LYZL2: variants seen among roughly 807,000 people sequenced by gnomAD.
The protein encoded by LYZL2 is lysozyme-like protein 2.
A neutral mutation model predicts 17.1 loss-of-function variants in LYZL2; 13 were observed. That is an observed-to-expected ratio of 0.76 (90% CI 0.49 to 1.21). The LOEUF (loss-of-function observed/expected upper bound fraction) is 1.21, where lower values mean the gene tolerates loss of function less well. Among genes scored for constraint, LYZL2 ranks in the 50% most tolerant of loss-of-function variants. The pLI, the probability that LYZL2 is intolerant of heterozygous loss-of-function variation, is 0.00. For missense variants in LYZL2, 166 were observed against 189.2 expected (o/e 0.88, Z 0.72); for synonymous variants, 63 against 74.4 (o/e 0.85, Z 0.79).
At chr10:30,616,626 T>TA (rs1838531971) in intron 3 of LYZL2, among the ~76,000 whole-genome samples, 1 of 152,264 alleles carries the variant, frequency 6.6e-6, no homozygotes, top group African/African-American at 2.4e-5. Flanking sequence ...ATTGAAATCT[T>TA]ACTCTATGTC....
downstream of LYZL2, among the ~76,000 whole-genome samples, chr10:30,611,549 AGG>A (rs1170080494): frequency 3.9e-4 from 35 of 90,702 alleles, no homozygotes; most frequent in Middle Eastern, 4.3e-3. Context: ...GAAGGAAGGA[AGG>A]AAGGAAGGAA....
In LYZL2 at chr10:30,626,768, T is replaced by G. The variant is rs71492585; in HGVS notation, c.139+9A>C. 2.4e-4 allele frequency: 380 copies of G among 1,613,648 alleles called. 1 individual carries two copies. The East Asian group carries it at 5.4e-3, about 23-fold the overall frequency. On this transcript the variant is annotated intron_variant, in intron 2 of 4. Transcript: ENST00000647634. ...GGACAGAAAGAGAGCAGGAAAGAAA[T>G]AATCTCACAGTTTCCAAGGCTGAAG...
intron 4 of LYZL2, 123 bp downstream of exon 4, chr10:30,612,699 G>A (rs2659493): frequency 0.46 from 315,379 of 685,920 alleles, 74,793 homozygotes; most frequent in African/African-American, 0.67. Context: ...TATAGACAAG[G>A]TCTCCTTCCA....
chr10:30,618,000 C>CA (rs1408911693), intron 3 of LYZL2, among the ~76,000 whole-genome samples: 1 of 151,732 alleles, frequency 6.6e-6, no homozygotes, highest in Non-Finnish European at 1.5e-5. Flanking sequence ...AATCAATGTG[C>CA]AAAAATCACA....
At position 30,612,114 on chromosome 10, in the gene LYZL2, C is replaced by T. The variant is rs1383121995; in HGVS notation, c.378-90G>A. The T allele has an allele frequency of 2.0e-6, 3 of 1,482,364 alleles. No individual in the cohort carries two copies. The African/African-American group carries it at 4.2e-5, about 21-fold the overall frequency. 91.8% of individuals were successfully genotyped at this position (1,482,364 alleles called of 1,614,324 possible). On this transcript the variant is annotated intron_variant, in intron 4 of 4. Coordinates refer to ENST00000647634, the MANE Select transcript of LYZL2 (RefSeq NM_183058.3). ...AAAGTCTACAGAAATTAACCAAAAT[C>T]GCCAGCGGAACCCTGGGTTGGGTTT...
intron 3 of LYZL2, among the ~76,000 whole-genome samples, chr10:30,622,489 C>T (rs566802771): frequency 5.3e-5 from 8 of 149,676 alleles, no homozygotes; most frequent in African/African-American, 2.0e-4. Flanking sequence ...GCAGAGGGTG[C>T]AATGAGCCAA....
At chr10:30,610,939 G>A (rs917233522), downstream of LYZL2, among the ~76,000 whole-genome samples, 11 of 152,052 alleles carry the variant, frequency 7.2e-5, no homozygotes, top group Admixed American at 2.0e-4. Context: ...GTACACAAAT[G>A]GTGTCTAGGC....
chr10:30,617,637 T>C (rs1838551377), intron 3 of LYZL2, among the ~76,000 whole-genome samples: 1 of 115,694 alleles, frequency 8.6e-6, no homozygotes, highest in Non-Finnish European at 1.6e-5. Flanking sequence ...ATCGTGCCAC[T>C]GCACTTCAGC....
chr10:30,625,446 TCAGA>T (rs1459885067), intron 3 of LYZL2, among the ~76,000 whole-genome samples: 1 of 151,946 alleles, frequency 6.6e-6, no homozygotes, highest in Non-Finnish European at 1.5e-5. Flanking sequence ...AAGAGTGAAG[TCAGA>T]CAGTCACCTT....
chr10:30,606,808 T>A (rs538806378), downstream of LYZL2, among the ~76,000 whole-genome samples: 2 of 152,150 alleles, frequency 1.3e-5, no homozygotes, highest in Admixed American at 1.3e-4. Context: ...AGTAAGGGCA[T>A]GTTTTGGGTT....
At chr10:30,618,673 A>G (rs1317596736) in intron 3 of LYZL2, among the ~76,000 whole-genome samples, 4 of 152,230 alleles carry the variant, frequency 2.6e-5, no homozygotes, top group Admixed American at 6.5e-5. Flanking sequence ...ACAAAAATTA[A>G]TTCAAGATGG....
rs545622833 is a variant in LYZL2 at position 30,620,118 on chromosome 10, T to C, written c.298+5987A>G. Among the ~76,000 whole-genome samples the C allele has an allele frequency of 2.0e-4, 31 of 152,364 alleles. No individual in the cohort carries two copies. The South Asian group carries it at 6.2e-3, about 31-fold the overall frequency. On this transcript the variant is annotated intron_variant, in intron 3 of 4. Transcript: ENST00000647634. The stretch of plus-strand genomic sequence containing the variant: ...GAATTTCCTCAAGGGCAGAGGTTGG[T>C]AAACTGCAGCGTGAGGCCACTGCTG...
downstream of LYZL2, among the ~76,000 whole-genome samples, chr10:30,609,375 C>T (rs1004599797): frequency 1.3e-5 from 2 of 152,110 alleles, no homozygotes; most frequent in Non-Finnish European, 2.9e-5. Context: ...CTTGAACAGG[C>T]TTTAGGGGAG....
chr10:30,612,302 A>G lies in LYZL2; in HGVS notation c.378-278T>C, dbSNP rs530024996. 2.0e-5 allele frequency among the ~76,000 whole-genome samples: 3 copies of G among 152,272 alleles called. No homozygotes were observed. The East Asian group carries it at 5.8e-4, about 29-fold the overall frequency. ...CATCTGTGAAAATTCGGGTTCCCTG[A>G]GTGGGGCCGGCTGGCAATGTTCACC... On this transcript the variant is annotated intron_variant, in intron 4 of 4. Transcript: ENST00000647634.
intron 4 of LYZL2, 66 bp from the exon 5 acceptor site, chr10:30,612,090 A>AAGTCTAC: frequency 1.3e-6 from 2 of 1,586,182 alleles, no homozygotes; most frequent in African/African-American, 1.4e-5. Flanking sequence ...CTCAGTTTCA[A>AAGTCTAC]AGTCTACAGA....
chr10:30,607,536 CTG>C (rs1158937849), downstream of LYZL2, among the ~76,000 whole-genome samples: 1 of 152,176 alleles, frequency 6.6e-6, no homozygotes, highest in Non-Finnish European at 1.5e-5. Flanking sequence ...CTTGCTGAAT[CTG>C]TAAATCAGAA....
At chr10:30,618,968 A>G (rs1233826422) in intron 3 of LYZL2, among the ~76,000 whole-genome samples, 1 of 152,246 alleles carries the variant, frequency 6.6e-6, no homozygotes, top group East Asian at 1.9e-4. Context: ...AAGAACTCAA[A>G]CAAATTTACA....
At chr10:30,626,010 C>T (rs1468618152) in intron 3 of LYZL2, 95 bp downstream of exon 3, 7 of 1,532,436 alleles carry the variant, frequency 4.6e-6, no homozygotes, top group Non-Finnish European at 5.3e-6. Context: ...GTCTGAACTC[C>T]AAATTTTAGT....
intron 3 of LYZL2, among the ~76,000 whole-genome samples, chr10:30,616,671 A>G (rs1374503018): frequency 1.3e-5 from 2 of 152,312 alleles, no homozygotes; most frequent in African/African-American, 2.4e-5. Context: ...CAAAATCTCC[A>G]TCAGTCCTCA....
Sources: gnomAD v4.1 joint callset for allele counts (sites outside exome capture counted in the v4.1 genomes callset) on GRCh38, gnomAD v4.1.1 for gene constraint, MANE v1.5 for transcripts, NCBI Gene and HGNC (gene_info 2026-07-23, HGNC 2026-07-21) for gene names.